Variants in SH3RF2 observed in about 807,000 individuals in gnomAD.
SH3RF2 encodes the protein E3 ubiquitin-protein ligase SH3RF2.
In SH3RF2, 43 loss-of-function variants were observed where a neutral mutation model predicts 59.0. That is an observed-to-expected ratio of 0.73 (90% CI 0.57 to 0.94). The LOEUF is 0.94. Ranked by LOEUF, SH3RF2 falls within the 40% of genes least tolerant of loss-of-function variation. The probability of loss-of-function intolerance (pLI) is 0.00; values close to 1 mark genes in which losing one functional copy is unlikely to be tolerated. For missense variants in SH3RF2, 930 were observed against 940.1 expected (o/e 0.99, Z 0.14); for synonymous variants, 391 against 391.5 (o/e 1.00, Z 0.01).
chr5:146,045,831 T>C (rs1181047423), intron 5 of SH3RF2, among the ~76,000 whole-genome samples: 1 of 152,252 alleles, frequency 6.6e-6, no homozygotes, highest in East Asian at 1.9e-4. Flanking sequence ...TCATTTCTTT[T>C]GAGCATACAC....
chr5:146,036,430 C>T (rs1761938883), intron 5 of SH3RF2, among the ~76,000 whole-genome samples: 1 of 152,156 alleles, frequency 6.6e-6, no homozygotes, highest in Admixed American at 6.5e-5. Context: ...CATGGTGGCT[C>T]ACGCCTGTAA....
chr5:145,938,203 G>T lies in SH3RF2; in HGVS notation c.275G>T (p.Gly92Val), dbSNP rs959718641. 1 of 1,613,380 alleles carries T rather than the reference G, an allele frequency of 6.2e-7. No homozygotes were observed. Among genetic ancestry groups the T allele is most frequent in the African/African-American group, 1.3e-5 (1 of 74,934 alleles). Residue 92 changes from glycine to valine, a missense_variant, in exon 2 of 10, where the codon GGC (glycine) becomes GTC (valine). By Grantham distance (109) the Gly-to-Val change is moderately radical (BLOSUM62 -3). Transcript: ENST00000359120. ...AGAGGGGGCTCCTTCCGCAGGCCTG[G>T]CACGATGACCTTGCAGGATGGCAGG... ...SGRGGSFRRP[G>V]TMTLQDGRKS...
At chr5:146,058,285 T>C (rs992401110) in intron 8 of SH3RF2, among the ~76,000 whole-genome samples, 1 of 152,214 alleles carries the variant, frequency 6.6e-6, no homozygotes, top group African/African-American at 2.4e-5. Flanking sequence ...CTGCTTTGAC[T>C]TCCCAGGTCC....
chr5:146,075,012 G>GTAT (rs1234333654), intron 9 of SH3RF2, among the ~76,000 whole-genome samples: 1 of 152,108 alleles, frequency 6.6e-6, no homozygotes, highest in African/African-American at 2.4e-5. Flanking sequence ...AAACACTAAG[G>GTAT]TATTATTATC....
intron 9 of SH3RF2, among the ~76,000 whole-genome samples, chr5:146,071,629 G>A (rs1405402554): frequency 6.6e-6 from 1 of 152,202 alleles, no homozygotes; most frequent in Non-Finnish European, 1.5e-5. Flanking sequence ...CAGTCCACTA[G>A]AATGTCACAA....
At chr5:146,019,794 TCTCCTTGTAGAGATCTTTCAC>T (rs1276021093) in intron 5 of SH3RF2, among the ~76,000 whole-genome samples, 5 of 152,200 alleles carry the variant, frequency 3.3e-5, no homozygotes, top group African/African-American at 4.8e-5. Flanking sequence ...GTTTTGTAGT[TCTCCTTGTAGAGATCTTTCAC>T]CTCCTTGGTT....
chr5:145,980,197 T>C (rs759379244), intron 2 of SH3RF2, among the ~76,000 whole-genome samples: 5 of 152,192 alleles, frequency 3.3e-5, no homozygotes, highest in Admixed American at 3.3e-4. Context: ...TGATTATTCA[T>C]AGTAACAAAC....
chr5:146,032,258 C>A (rs1182189612), intron 5 of SH3RF2, among the ~76,000 whole-genome samples: 1 of 152,098 alleles, frequency 6.6e-6, no homozygotes, highest in Non-Finnish European at 1.5e-5. Context: ...GCAAGTCAAG[C>A]AAACCAACCT....
chr5:146,049,424 C>A, intron 7 of SH3RF2, among the ~76,000 whole-genome samples, 179 bp downstream of exon 7: 1 of 152,178 alleles, frequency 6.6e-6, no homozygotes, highest in East Asian at 1.9e-4. Context: ...TTATCTTTTT[C>A]GTAGCCCTTC....
intron 3 of SH3RF2, among the ~76,000 whole-genome samples, chr5:146,000,936 T>C (rs1190982938): frequency 6.6e-6 from 1 of 152,256 alleles, no homozygotes; most frequent in Non-Finnish European, 1.5e-5. Flanking sequence ...CTTTATCATG[T>C]ATGTGGCAGG....
At position 145,958,774 on chromosome 5, in the gene SH3RF2, C is replaced by G. The variant is rs565957935; in HGVS notation, c.378+20468C>G. On this transcript the variant is annotated intron_variant, in intron 2 of 9. Transcript: ENST00000359120. ...TCACCAAACTGCTTTGCTTCTTGCC[C>G]GGGCCATTGTAATCAGTTTGCTGGG... 4.6e-5 allele frequency among the ~76,000 whole-genome samples: 7 copies of G among 152,246 alleles called. No individual in the cohort carries two copies. In the South Asian group the frequency reaches 1.5e-3, roughly 32 times the overall value.
chr5:146,008,049 T>G (rs1234413152), intron 4 of SH3RF2, among the ~76,000 whole-genome samples: 1 of 152,196 alleles, frequency 6.6e-6, no homozygotes, highest in Non-Finnish European at 1.5e-5. Context: ...AAACAGGATT[T>G]TTCTTGTTAA....
chr5:145,979,624 A>G (rs1200248345), intron 2 of SH3RF2, among the ~76,000 whole-genome samples: 1 of 152,212 alleles, frequency 6.6e-6, no homozygotes, highest in African/African-American at 2.4e-5. Flanking sequence ...GATGTCGGCC[A>G]ACTCAAAAAA....
chr5:145,980,518 A>G (rs1288011944), intron 2 of SH3RF2, among the ~76,000 whole-genome samples: 1 of 152,194 alleles, frequency 6.6e-6, no homozygotes, highest in Non-Finnish European at 1.5e-5. Context: ...TACTTAGGCT[A>G]TTTCTAATTC....
intron 5 of SH3RF2, among the ~76,000 whole-genome samples, chr5:146,041,220 A>AG (rs1453387323): frequency 6.6e-6 from 1 of 152,192 alleles, no homozygotes; most frequent in Non-Finnish European, 1.5e-5. Context: ...TTAGCACTGG[A>AG]GTCATAGCAT....
rs112947407 is a variant in SH3RF2 at position 146,013,253 on chromosome 5, C to A, written c.745-494C>A. ...AGGTCCCTGCAACCCAGATAGCTAACGGACTAGTGGGGGAAAGGCAAGTAA... is the reference window on the plus strand; with the variant it reads ...AGGTCCCTGCAACCCAGATAGCTAAAGGACTAGTGGGGGAAAGGCAAGTAA... On this transcript the variant is annotated intron_variant, in intron 4 of 9. Transcript: ENST00000359120. Among the ~76,000 whole-genome samples, 15 of 152,122 alleles carry A rather than the reference C, an allele frequency of 9.9e-5. 3 individuals carry two copies. The highest frequency in any genetic ancestry group is 3.6e-4 in the African/African-American group (15 of 41,476).
intron 2 of SH3RF2, among the ~76,000 whole-genome samples, chr5:145,987,934 A>G (rs1477313223): frequency 6.6e-6 from 1 of 152,210 alleles, no homozygotes; most frequent in Non-Finnish European, 1.5e-5. Flanking sequence ...AAGTGTGCTC[A>G]GGGGTCCCAA....
chr5:145,942,862 C>T (rs1440578787), intron 2 of SH3RF2, among the ~76,000 whole-genome samples: 1 of 152,116 alleles, frequency 6.6e-6, no homozygotes, highest in Non-Finnish European at 1.5e-5. Context: ...TCTTTTATTG[C>T]TTACTGTAGC....
intron 5 of SH3RF2, among the ~76,000 whole-genome samples, chr5:146,033,308 C>G (rs1554118228): frequency 6.6e-6 from 1 of 152,082 alleles, no homozygotes; most frequent in Non-Finnish European, 1.5e-5. Flanking sequence ...AAGGAGTATG[C>G]TTTCTTTTCA....
Sources: gnomAD v4.1 joint callset for allele counts (sites outside exome capture counted in the v4.1 genomes callset) on GRCh38, gnomAD v4.1.1 for gene constraint, MANE v1.5 for transcripts, NCBI Gene and HGNC (gene_info 2026-07-23, HGNC 2026-07-21) for gene names.